Variants in DLGAP2 observed in about 807,000 individuals in gnomAD.
DLGAP2 encodes the protein disks large-associated protein 2.
DLGAP2 carries 26 observed loss-of-function variants against 100.3 expected under a neutral mutation model. The ratio of observed to expected loss-of-function variants is 0.26; its 90% CI spans 0.19 to 0.36. The LOEUF (loss-of-function observed/expected upper bound fraction) is 0.36. DLGAP2 is among the 10% of genes least tolerant of loss of function. The pLI, the probability that DLGAP2 is intolerant of heterozygous loss-of-function variation, is 1.00. For missense variants in DLGAP2, 1,858 were observed against 1,453.2 expected, an observed-to-expected ratio of 1.28 and a Z score of -4.53; for synonymous variants, 886 against 630.1, an observed-to-expected ratio of 1.41 and a Z score of -6.08.
At chr8:811,750 C>T (rs1221983723) in intron 1 of DLGAP2, among the ~76,000 whole-genome samples, 1 of 146,740 alleles carries the variant, frequency 6.8e-6, no homozygotes, top group Non-Finnish European at 1.5e-5. Context: ...ATCTGGGGGC[C>T]CTGCCAGGGC....
At chr8:1,621,265 A>C (rs576167706) in intron 6 of DLGAP2, 25 of 152,622 alleles carry the variant, frequency 1.6e-4, no homozygotes, top group African/African-American at 6.0e-4. Context: ...CGAGAGCCGG[A>C]GGTGGTTGGT....
intron 1 of DLGAP2, among the ~76,000 whole-genome samples, chr8:896,385 C>T (rs910038330): frequency 4.6e-5 from 7 of 151,540 alleles, no homozygotes; most frequent in Non-Finnish European, 8.8e-5. Flanking sequence ...CACCTGGCAC[C>T]CTGAGCTGCC....
In DLGAP2 at chr8:1,146,185, G is replaced by A. The variant is rs115552653; in HGVS notation, c.74-112666G>A. Among the ~76,000 whole-genome samples, 496 of 152,290 alleles carry A rather than the reference G, an allele frequency of 3.3e-3. 6 individuals are homozygous for A. Among genetic ancestry groups the A allele is most frequent in the African/African-American group, 0.011 (467 of 41,562 alleles). On this transcript the variant is annotated intron_variant, in intron 2 of 14. Coordinates refer to ENST00000637795, the MANE Select transcript of DLGAP2 (RefSeq NM_001346810.2). ...CCTCTCCACAGGAGCCCCTGCAGGT[G>A]CTGTGACAGCATCTTGTCATGGTTT... is the stretch of plus-strand genomic sequence containing the variant.
At chr8:798,280 C>G (rs538021998) in intron 1 of DLGAP2, among the ~76,000 whole-genome samples, 2 of 149,148 alleles carry the variant, frequency 1.3e-5, no homozygotes, top group South Asian at 2.1e-4. Context: ...ACCTGCAGCC[C>G]CGTGCCCCGG....
chr8:847,783 A>G (rs78425182), intron 1 of DLGAP2, among the ~76,000 whole-genome samples: 1,722 of 152,282 alleles, frequency 0.011, 16 homozygotes, highest in Non-Finnish European at 0.018. Context: ...CTGGCATTAC[A>G]CAGGCTTGAG....
chr8:1,347,395 G>A (rs911961074), intron 3 of DLGAP2, among the ~76,000 whole-genome samples: 3 of 151,786 alleles, frequency 2.0e-5, no homozygotes, highest in Non-Finnish European at 4.4e-5. Flanking sequence ...GTAGCTGTGT[G>A]GAGGTTCAGT....
intron 8 of DLGAP2, among the ~76,000 whole-genome samples, chr8:1,656,453 T>C (rs1284255889): frequency 6.6e-6 from 1 of 152,176 alleles, no homozygotes; most frequent in Admixed American, 6.5e-5. Context: ...TCCCACCCCT[T>C]CACTCTGCCA....
At chr8:877,128 C>G (rs1408097140) in intron 1 of DLGAP2, among the ~76,000 whole-genome samples, 1 of 151,998 alleles carries the variant, frequency 6.6e-6, no homozygotes, top group Non-Finnish European at 1.5e-5. Flanking sequence ...GGCCTCTGGT[C>G]ACTTCCACAG....
At chr8:1,564,218 C>G (rs933763916) in intron 5 of DLGAP2, among the ~76,000 whole-genome samples, 9 of 152,124 alleles carry the variant, frequency 5.9e-5, no homozygotes, top group African/African-American at 2.2e-4. Flanking sequence ...AGCTAATGAA[C>G]CGTGGGGAAA....
intron 2 of DLGAP2, among the ~76,000 whole-genome samples, chr8:1,127,021 C>G (rs1188933722): frequency 6.7e-6 from 1 of 149,676 alleles, no homozygotes; most frequent in African/African-American, 2.5e-5. Flanking sequence ...GATGCCCACC[C>G]TGTCCCCAGC....
At chr8:1,609,839 T>G (rs971973783) in intron 6 of DLGAP2, among the ~76,000 whole-genome samples, 8 of 148,212 alleles carry the variant, frequency 5.4e-5, no homozygotes, top group African/African-American at 1.7e-4. Context: ...AGGAGCTAAC[T>G]ATCCTAAATA....
At chr8:1,209,135 G>C (rs1009237700) in intron 2 of DLGAP2, among the ~76,000 whole-genome samples, 1 of 152,018 alleles carries the variant, frequency 6.6e-6, no homozygotes, top group Non-Finnish European at 1.5e-5. Flanking sequence ...ATTCTTCACA[G>C]AAGTAGAAAA....
chr8:1,415,603 G>GCC (rs1796861151), intron 3 of DLGAP2, among the ~76,000 whole-genome samples: 1 of 152,114 alleles, frequency 6.6e-6, no homozygotes, highest in South Asian at 2.1e-4. Flanking sequence ...TGGGACTAAG[G>GCC]CCCCCACCTG....
intron 4 of DLGAP2, among the ~76,000 whole-genome samples, chr8:1,519,650 T>G (rs1800518935): frequency 6.6e-6 from 1 of 152,180 alleles, no homozygotes; most frequent in African/African-American, 2.4e-5. Context: ...TAAACTAGAT[T>G]AAATGTTCCA....
chr8:1,698,777 G>C (rs549130025), intron 14 of DLGAP2, among the ~76,000 whole-genome samples: 158 of 151,934 alleles, frequency 1.0e-3, no homozygotes, highest in Non-Finnish European at 2.0e-3. Flanking sequence ...CCATGTTTGG[G>C]ACAGGTCTGT....
Position 1,618,057 on chromosome 8 carries a change from C to T in DLGAP2, c.1443-8683C>T, listed in dbSNP as rs149055647. Among the ~76,000 whole-genome samples, 348 of 152,224 alleles carry T rather than the reference C, an allele frequency of 2.3e-3. 1 individual carries two copies. The highest frequency in any genetic ancestry group is 8.1e-3 in the African/African-American group (335 of 41,544). Reference sequence around the variant, plus strand: ...AAGATGAGATAAAACACGAGGATGCCGACTCTCAGCTCCTCTACTTAACAT... The same window carrying T: ...AAGATGAGATAAAACACGAGGATGCTGACTCTCAGCTCCTCTACTTAACAT... On this transcript the variant is annotated intron_variant, in intron 6 of 14. Transcript: ENST00000637795.
rs1043034963 is a variant in DLGAP2, at chr8:1,557,005, C to T, written c.1230+7322C>T. Among the ~76,000 whole-genome samples the T allele has an allele frequency of 2.6e-5, 4 of 151,606 alleles. No homozygotes were observed. The East Asian group carries it at 7.8e-4, about 30-fold the overall frequency. ...TGGAATGGGGGATGTTGAGCACAGCCATGCACCCAGCGTTTCTCAAGCTCA... is the reference window on the plus strand; with the variant it reads ...TGGAATGGGGGATGTTGAGCACAGCTATGCACCCAGCGTTTCTCAAGCTCA... On this transcript the variant is annotated intron_variant, in intron 5 of 14. Coordinates refer to ENST00000637795, the MANE Select transcript of DLGAP2 (RefSeq NM_001346810.2).
intron 2 of DLGAP2, among the ~76,000 whole-genome samples, chr8:938,013 T>C (rs1799110643): frequency 6.6e-6 from 1 of 152,158 alleles, no homozygotes; most frequent in Admixed American, 6.5e-5. Flanking sequence ...CCTCTGGCCT[T>C]GTGTCTCAGA....
chr8:1,161,157 G>C (rs1446125783), intron 2 of DLGAP2, among the ~76,000 whole-genome samples: 1 of 152,184 alleles, frequency 6.6e-6, no homozygotes, highest in Non-Finnish European at 1.5e-5. Flanking sequence ...TTTATTAACA[G>C]TTTGCATTAT....
Sources: allele counts gnomAD v4.1 joint callset (sites outside exome capture counted in the v4.1 genomes callset), GRCh38; gene constraint gnomAD v4.1.1; transcripts MANE v1.5; gene names NCBI Gene and HGNC (gene_info 2026-07-23, HGNC 2026-07-21).